ANO3: variants seen among roughly 807,000 people sequenced by gnomAD.
ANO3 encodes the protein anoctamin-3.
In ANO3, 99 loss-of-function variants were observed where a neutral mutation model predicts 144.8. That is an observed-to-expected ratio of 0.68 (90% CI 0.58 to 0.81). ANO3 has a LOEUF of 0.81. Among genes scored for constraint, ANO3 ranks in the 30% least tolerant of loss-of-function variants. The probability of loss-of-function intolerance (pLI) is 0.00; values close to 1 mark genes in which losing one functional copy is unlikely to be tolerated. For missense variants in ANO3, 905 were observed against 1,202.2 expected (o/e 0.75, Z 3.66); for synonymous variants, 414 against 392.6 (o/e 1.05, Z -0.64).
At chr11:26,600,644 C>G (rs907676377) in intron 17 of ANO3, among the ~76,000 whole-genome samples, 2 of 140,618 alleles carry the variant, frequency 1.4e-5, no homozygotes, top group Admixed American at 7.3e-5. Flanking sequence ...CCCTCCCTCC[C>G]TTTCTACCTT....
chr11:26,445,909 G>A (rs192643971), intron 3 of ANO3, among the ~76,000 whole-genome samples: 29 of 152,110 alleles, frequency 1.9e-4, no homozygotes, highest in African/African-American at 6.7e-4. Context: ...TCAGCTCACT[G>A]CAACCTCTGC....
intron 24 of ANO3, among the ~76,000 whole-genome samples, chr11:26,648,220 C>T (rs921685779): frequency 6.6e-6 from 1 of 151,986 alleles, no homozygotes; most frequent in African/African-American, 2.4e-5. Context: ...CCTATACTGG[C>T]TAATCAAACT....
chr11:26,291,563 T>C (rs1564951611), intron 1 of ANO3, among the ~76,000 whole-genome samples: 1 of 152,332 alleles, frequency 6.6e-6, no homozygotes, highest in Non-Finnish European at 1.5e-5. Context: ...TTCCTTTCCA[T>C]GTTTAGTGCT....
At chr11:26,266,858 G>T (rs1351050885) in intron 1 of ANO3, among the ~76,000 whole-genome samples, 2 of 151,372 alleles carry the variant, frequency 1.3e-5, no homozygotes, top group East Asian at 2.0e-4. Flanking sequence ...GAGGCGGGCG[G>T]ATCACGAGGT....
At position 26,463,071 on chromosome 11, in the gene ANO3, G is replaced by C; in HGVS notation, c.355G>C (p.Ala119Pro). The C allele has an allele frequency of 6.3e-7, 1 of 1,596,368 alleles. No individual in the cohort carries two copies. Among genetic ancestry groups the C allele is most frequent in the Non-Finnish European group, 8.5e-7 (1 of 1,171,256 alleles). ...GGATTACACGGATGAATCAGAACAC[G>C]CTACTTATGACCGATCTCGTCTCAT... ...DKDYTDESEH[A>P]TYDRSRLIND... The change falls in exon 4 of 27, where the codon GCT becomes CCT. Residue 119 changes from alanine (A) to proline (P), a missense_variant. By Grantham distance (27) the Ala-to-Pro change is conservative. Coordinates refer to ENST00000256737, the MANE Select transcript of ANO3 (RefSeq NM_031418.4).
At chr11:26,542,607 A>G (rs1332690849) in intron 11 of ANO3, among the ~76,000 whole-genome samples, 3 of 152,160 alleles carry the variant, frequency 2.0e-5, no homozygotes, top group Non-Finnish European at 2.9e-5. Flanking sequence ...CTAAGAGCAA[A>G]CAGAAAAATG....
chr11:26,406,722 TGTGG>T (rs1230878885), intron 1 of ANO3, among the ~76,000 whole-genome samples: 89 of 131,166 alleles, frequency 6.8e-4, no homozygotes, highest in Non-Finnish European at 1.1e-3. Context: ...TGTGTGTGTG[TGTGG>T]ATTGGTGGCA....
chr11:26,220,840 C>A (rs544064214), intron 1 of ANO3, among the ~76,000 whole-genome samples: 1 of 152,258 alleles, frequency 6.6e-6, no homozygotes, highest in South Asian at 2.1e-4. Flanking sequence ...CCCAGGTATA[C>A]CCGTTGGGCA....
chr11:26,512,133 G>C (rs190931514), intron 5 of ANO3, among the ~76,000 whole-genome samples: 137 of 152,310 alleles, frequency 9.0e-4, no homozygotes, highest in Non-Finnish European at 1.2e-3. Flanking sequence ...GGTGGCATTA[G>C]AGATGCAGTT....
upstream of ANO3, among the ~76,000 whole-genome samples, chr11:26,308,632 G>T (rs533896782): frequency 1.2e-3 from 188 of 152,188 alleles, no homozygotes; most frequent in South Asian, 0.015. Flanking sequence ...ATATTAAAAT[G>T]AAAACAAAAC....
In ANO3 at chr11:26,463,021, C is replaced by G; in HGVS notation, c.314-9C>G. The G allele has an allele frequency of 7.0e-7, 1 of 1,429,062 alleles. No individual in the cohort carries two copies. The highest frequency in any genetic ancestry group is 1.4e-5 in the South Asian group (1 of 71,274). 88.5% of individuals were successfully genotyped at this position (1,429,062 alleles called of 1,614,324 possible). On this transcript the variant is annotated splice_polypyrimidine_tract_variant and intron_variant, in intron 3 of 26. Transcript: ENST00000256737. ...GAAATGGATATAACTTTCTCTTTCT[C>G]TTTTATAGCCCTAGGAAAAGATAAG... is the stretch of plus-strand genomic sequence containing the variant.
At chr11:26,262,063 G>A (rs1853202866) in intron 1 of ANO3, among the ~76,000 whole-genome samples, 1 of 152,136 alleles carries the variant, frequency 6.6e-6, no homozygotes, top group Non-Finnish European at 1.5e-5. Context: ...GAAGTTCTTT[G>A]ATAAGAAAAG....
intron 14 of ANO3, among the ~76,000 whole-genome samples, chr11:26,578,434 G>A (rs1002872550): frequency 2.0e-5 from 3 of 152,222 alleles, no homozygotes; most frequent in Non-Finnish European, 2.9e-5. Context: ...GGTTTTAGGG[G>A]AGTCCCAGGT....
intron 3 of ANO3, among the ~76,000 whole-genome samples, chr11:26,454,345 A>G (rs1372752673): frequency 6.6e-6 from 1 of 152,006 alleles, no homozygotes; most frequent in African/African-American, 2.4e-5. Flanking sequence ...CTAATAAAGA[A>G]GAAAAGAGAG....
intron 1 of ANO3, among the ~76,000 whole-genome samples, chr11:26,333,676 TGA>T (rs1855120920): frequency 6.6e-6 from 1 of 152,192 alleles, no homozygotes; most frequent in African/African-American, 2.4e-5. Context: ...TGGGACTGAC[TGA>T]GTTTCCAGTT....
chr11:26,302,600 A>G (rs1854262269), intron 1 of ANO3, among the ~76,000 whole-genome samples: 1 of 152,144 alleles, frequency 6.6e-6, no homozygotes, highest in East Asian at 1.9e-4. Flanking sequence ...CTTTCAAACT[A>G]TTTATATATT....
intron 12 of ANO3, among the ~76,000 whole-genome samples, chr11:26,550,666 A>T (rs372094683): frequency 6.6e-6 from 1 of 151,958 alleles, no homozygotes; most frequent in African/African-American, 2.4e-5. Context: ...TTCTTCATTC[A>T]TCAGTCAATA....
At chr11:26,237,569 C>A (rs1279140733) in intron 1 of ANO3, among the ~76,000 whole-genome samples, 1 of 151,710 alleles carries the variant, frequency 6.6e-6, no homozygotes, top group Non-Finnish European at 1.5e-5. Context: ...AAAAATGATT[C>A]TAAAATGTAT....
chr11:26,244,170 T>C (rs1438454552), intron 1 of ANO3, among the ~76,000 whole-genome samples: 1 of 149,160 alleles, frequency 6.7e-6, no homozygotes, highest in Non-Finnish European at 1.5e-5. Context: ...AAAAAATGAG[T>C]GTGATCACTG....
Sources: gnomAD v4.1 joint callset for allele counts (sites outside exome capture counted in the v4.1 genomes callset) on GRCh38, gnomAD v4.1.1 for gene constraint, MANE v1.5 for transcripts, NCBI Gene and HGNC (gene_info 2026-07-23, HGNC 2026-07-21) for gene names.